CCT6B: variants seen among roughly 807,000 people sequenced by gnomAD.
CCT6B encodes probable T-complex protein 1 subunit zeta-2.
A neutral mutation model predicts 61.5 loss-of-function variants in CCT6B; 49 were observed. The ratio of observed to expected loss-of-function variants is 0.80; its 90% confidence interval spans 0.63 to 1.01. The LOEUF is 1.01. Ranked by LOEUF, CCT6B falls within the 50% of genes least tolerant of loss-of-function variation. The pLI is 0.00. For synonymous variants in CCT6B, 228 were observed against 214.5 expected (o/e 1.06, Z -0.55); for missense variants, 666 against 634.7 (o/e 1.05, Z -0.53).
intron 5 of CCT6B, among the ~76,000 whole-genome samples, chr17:34,950,955 G>GAAGAAA (rs2090285138): frequency 6.7e-6 from 1 of 150,170 alleles, no homozygotes; most frequent in South Asian, 2.1e-4. Context: ...AGAAGAAGAA[G>GAAGAAA]AAGAAAATTG....
intron 7 of CCT6B, among the ~76,000 whole-genome samples, chr17:34,942,079 T>C (rs2090170017): frequency 6.6e-6 from 1 of 151,754 alleles, no homozygotes; most frequent in African/African-American, 2.4e-5. Context: ...GCATACTTCA[T>C]ATTTTGTCAC....
rs370139363 is a variant in CCT6B, at chr17:34,948,730, AC to A, written c.614+3219del. Among the ~76,000 whole-genome samples, 46 of 150,332 alleles carry A rather than the reference AC, an allele frequency of 3.1e-4. 1 individual carries two copies. The highest frequency in any genetic ancestry group is 1.1e-3 in the South Asian group (5 of 4,722). On this transcript the variant is annotated intron_variant, in intron 5 of 13. Coordinates refer to ENST00000314144, the MANE Select transcript of CCT6B (RefSeq NM_006584.4). ...ACTCCATCTAAAAAAAAAAAAAAAAACAAAACAAAACTGGATGGACCTGGCA... is the reference window on the plus strand; with the variant it reads ...ACTCCATCTAAAAAAAAAAAAAAAAAAAAACAAAACTGGATGGACCTGGCA...
chr17:34,940,459 T>C, intron 8 of CCT6B, 80 bp downstream of exon 8: 2 of 772,954 alleles, frequency 2.6e-6, no homozygotes, highest in Non-Finnish European at 4.2e-6. Context: ...CATTTACACA[T>C]AAGCTAAAAG....
chr17:34,941,460 T>C (rs568724742), intron 7 of CCT6B, among the ~76,000 whole-genome samples: 12 of 152,332 alleles, frequency 7.9e-5, no homozygotes, highest in African/African-American at 2.6e-4. Context: ...ATCAGGAAAG[T>C]CTTTTAAGTA....
At chr17:34,935,521 G>A (rs900425839) in intron 10 of CCT6B, among the ~76,000 whole-genome samples, 1 of 152,096 alleles carries the variant, frequency 6.6e-6, no homozygotes, top group African/African-American at 2.4e-5. Context: ...AGAATGTAAG[G>A]TTTGACATTT....
At chr17:34,948,171 A>G (rs148023420) in intron 5 of CCT6B, among the ~76,000 whole-genome samples, 40 of 152,058 alleles carry the variant, frequency 2.6e-4, no homozygotes, top group African/African-American at 9.4e-4. Flanking sequence ...ACTCTACCCA[A>G]TGTGTAGTCT....
At chr17:34,939,374 A>T in intron 9 of CCT6B, 44 bp from the exon 10 acceptor site, 2 of 1,498,066 alleles carry the variant, frequency 1.3e-6, no homozygotes, top group Non-Finnish European at 1.8e-6. Flanking sequence ...ATTTGATGTC[A>T]TTATAAAATC....
chr17:34,939,317 A>G lies in CCT6B; in HGVS notation c.1079T>C (p.Phe360Ser). ...GTTAACACACTCCTCAATAAAAGTG[A>G]ACTTTTCTTCACCCTAAAGGGTGGC... Reference protein sequence around the residue: ...VYEYTLGEEKFTFIEECVNPC... With the variant: ...VYEYTLGEEKSTFIEECVNPC... Residue 360 changes from phenylalanine to serine, a missense_variant, in exon 10 of 14, where the codon TTC becomes TCC. Physicochemically the swap from Phe to Ser is radical, Grantham distance 155. Coordinates refer to ENST00000314144, the MANE Select transcript of CCT6B (RefSeq NM_006584.4). 6.2e-7 allele frequency: 1 copy of G among 1,613,030 alleles called. No individual in the cohort carries two copies. The highest frequency in any genetic ancestry group is 8.5e-7 in the Non-Finnish European group (1 of 1,179,450).
At position 34,939,352 on chromosome 17, in the gene CCT6B, T is replaced by C. The variant is rs778184505; in HGVS notation, c.1066-22A>G. ...CACCCTAAAGGGTGGCACAAAAATA[T>C]ATAACTTTAATATTTGATGTCATTA... On this transcript the variant is annotated intron_variant, in intron 9 of 13. Coordinates refer to ENST00000314144, the MANE Select transcript of CCT6B (RefSeq NM_006584.4). The C allele has an allele frequency of 1.4e-5, 22 of 1,583,616 alleles. No homozygotes were observed. In the South Asian group the frequency reaches 1.9e-4, roughly 14 times the overall value.
intron 4 of CCT6B, among the ~76,000 whole-genome samples, chr17:34,952,613 A>G (rs1040102707): frequency 6.6e-6 from 1 of 152,212 alleles, no homozygotes; most frequent in African/African-American, 2.4e-5. Flanking sequence ...GTAAAGTAAA[A>G]TTGACACTCC....
At chr17:34,951,881 T>A in intron 5 of CCT6B, 69 bp downstream of exon 5, 1 of 679,966 alleles carries the variant, frequency 1.5e-6, no homozygotes, top group South Asian at 2.3e-5. Context: ...AAGTAAGTAA[T>A]GAATTTAATA....
chr17:34,934,653 G>C (rs545784639), intron 10 of CCT6B, among the ~76,000 whole-genome samples: 1 of 152,182 alleles, frequency 6.6e-6, no homozygotes, highest in Non-Finnish European at 1.5e-5. Flanking sequence ...TAAAAAAATT[G>C]AATGTGTCAT....
chr17:34,939,560 C>T (rs2090136193), intron 9 of CCT6B, 57 bp downstream of exon 9: 1 of 1,125,728 alleles, frequency 8.9e-7, no homozygotes, highest in Admixed American at 1.9e-5. Context: ...TAGTATTTTT[C>T]TTTAAAAAAG....
Position 34,942,816 on chromosome 17 carries a change from A to G in CCT6B, c.705T>C (p.Val235=), listed in dbSNP as rs1396309843. The stretch of plus-strand genomic sequence containing the variant: ...CGCACGTTTTTTCATATTCCAGTGA[A>G]ACGTTGCAAATAAGGATAAATGCAT... ...VEDAFILICN[V]SLEYEKTEVN... The change falls in exon 6 of 14, where the codon GTT becomes GTC. Residue 235 remains valine (V), a synonymous_variant. Coordinates refer to ENST00000314144, the MANE Select transcript of CCT6B (RefSeq NM_006584.4). 1 of 1,606,724 alleles carries G rather than the reference A, an allele frequency of 6.2e-7. No individual in the cohort carries two copies. Among genetic ancestry groups the G allele is most frequent in the Non-Finnish European group, 8.5e-7 (1 of 1,176,100 alleles).
intron 10 of CCT6B, among the ~76,000 whole-genome samples, chr17:34,936,686 T>C (rs2090098393): frequency 6.6e-6 from 1 of 151,892 alleles, no homozygotes; most frequent in Non-Finnish European, 1.5e-5. Context: ...ACAAAATACA[T>C]AAAATATATA....
At chr17:34,933,865 G>A (rs902105388) in intron 10 of CCT6B, among the ~76,000 whole-genome samples, 26 of 151,850 alleles carry the variant, frequency 1.7e-4, no homozygotes, top group Admixed American at 1.3e-4. Context: ...CTGGTGGCTC[G>A]CTCCTATAAT....
chr17:34,959,453 C>T, intron 2 of CCT6B, 134 bp downstream of exon 2: 1 of 629,940 alleles, frequency 1.6e-6, no homozygotes, highest in Non-Finnish European at 2.7e-6. Context: ...TTATTGAGGT[C>T]TAATTCAACA....
intron 7 of CCT6B, 136 bp from the exon 8 acceptor site, chr17:34,940,757 A>G (rs923473598): frequency 1.3e-5 from 5 of 393,736 alleles, no homozygotes; most frequent in African/African-American, 2.1e-5. Flanking sequence ...AGCTCTATCT[A>G]TAATATTTGT....
At chr17:34,940,260 A>C (rs1457542880) in intron 8 of CCT6B, among the ~76,000 whole-genome samples, 5 of 152,146 alleles carry the variant, frequency 3.3e-5, no homozygotes, top group Non-Finnish European at 7.4e-5. Context: ...TCCATATATA[A>C]AAGTGAGATC....
Sources: allele counts gnomAD v4.1 joint callset (sites outside exome capture counted in the v4.1 genomes callset), GRCh38; gene constraint gnomAD v4.1.1; transcripts MANE v1.5; gene names NCBI Gene and HGNC (gene_info 2026-07-23, HGNC 2026-07-21).